Variants in PHACTR3 observed in about 807,000 individuals in gnomAD.
PHACTR3 encodes the protein phosphatase and actin regulator 3, also known as protein phosphatase 1, regulatory subunit 123.
Under a neutral mutation model 66.8 loss-of-function variants are expected in PHACTR3, and 16 were observed. The ratio of observed to expected loss-of-function variants is 0.24; its 90% CI spans 0.16 to 0.36. The LOEUF (loss-of-function observed/expected upper bound fraction) is 0.36, where lower values mean the gene tolerates loss of function less well. Ranked by LOEUF, PHACTR3 falls within the 10% of genes least tolerant of loss-of-function variation. PHACTR3 has a pLI of 1.00. For synonymous variants in PHACTR3, 323 were observed against 292.1 expected, an observed-to-expected ratio of 1.11 and a Z score of -1.08; for missense variants, 647 against 719.9, an observed-to-expected ratio of 0.90 and a Z score of 1.16.
Position 59,605,142 on chromosome 20 carries a change from TGGGCGG to T in PHACTR3, c.118+17_118+22del. On this transcript the variant is annotated intron_variant, in intron 1 of 12. Transcript: ENST00000371015. ...GCCGGGGAGAACCCAGGTAACGGGC[TGGGCGG>T]GGGCGGCGGGCGGGTCGGGGAGGCC... 1 of 294,968 alleles carries T rather than the reference TGGGCGG, an allele frequency of 3.4e-6. No homozygotes were observed. The highest frequency in any genetic ancestry group is 4.7e-5 in the South Asian group (1 of 21,060). 18.3% of individuals were successfully genotyped at this position (294,968 alleles called of 1,614,324 possible). A position where few individuals can be genotyped will look rare whatever the true frequency, so the allele number is the denominator to read the frequency against.
chr20:59,667,792 C>T (rs941983662), intron 1 of PHACTR3, among the ~76,000 whole-genome samples: 2 of 152,160 alleles, frequency 1.3e-5, no homozygotes, highest in Admixed American at 6.5e-5. Flanking sequence ...CTGTGGATGG[C>T]CTTTCTGTCT....
intron 1 of PHACTR3, among the ~76,000 whole-genome samples, chr20:59,608,023 G>A (rs2033722983): frequency 6.6e-6 from 1 of 152,138 alleles, no homozygotes. Flanking sequence ...TAATGATATT[G>A]CACTCTCCTA....
At chr20:59,581,074 A>G (rs892115072) in intron 1 of PHACTR3, among the ~76,000 whole-genome samples, 2 of 152,250 alleles carry the variant, frequency 1.3e-5, no homozygotes, top group African/African-American at 4.8e-5. Flanking sequence ...CGCCATAGCC[A>G]GCCTGAGACT....
intron 1 of PHACTR3, among the ~76,000 whole-genome samples, chr20:59,637,570 C>A (rs1254665871): frequency 6.6e-6 from 1 of 152,066 alleles, no homozygotes; most frequent in Non-Finnish European, 1.5e-5. Context: ...TGCATTTCTC[C>A]TGGGAATTCA....
chr20:59,745,778 C>G lies in PHACTR3; in HGVS notation c.281-1980C>G, dbSNP rs775665443. On this transcript the variant is annotated intron_variant, in intron 2 of 12. Transcript: ENST00000371015. ...GCCTGCCCTGGCAGGTGGCTCAGAT[C>G]CACTCAGCCATTTACACACTGTACC... 2.8e-4 allele frequency among the ~76,000 whole-genome samples: 42 copies of G among 152,332 alleles called. 1 individual carries two copies. The highest frequency in any genetic ancestry group is 6.8e-3 in the Middle Eastern group (2 of 294).
At chr20:59,740,862 C>T (rs1176842900) in intron 1 of PHACTR3, among the ~76,000 whole-genome samples, 2 of 152,228 alleles carry the variant, frequency 1.3e-5, no homozygotes, top group African/African-American at 2.4e-5. Flanking sequence ...CGGGTGCTGC[C>T]TCATATGGCT....
At chr20:59,615,994 G>T (rs1054732320) in intron 1 of PHACTR3, among the ~76,000 whole-genome samples, 2 of 152,162 alleles carry the variant, frequency 1.3e-5, no homozygotes, top group African/African-American at 4.8e-5. Flanking sequence ...CTGATAAGGT[G>T]ATGCCTTGAC....
At chr20:59,642,254 C>T (rs929255995) in intron 1 of PHACTR3, among the ~76,000 whole-genome samples, 11 of 151,878 alleles carry the variant, frequency 7.2e-5, no homozygotes, top group African/African-American at 1.7e-4. Context: ...TTGCAGGGTT[C>T]GGTGGATAAT....
chr20:59,719,218 T>C (rs1452420759), intron 1 of PHACTR3, among the ~76,000 whole-genome samples: 1 of 152,034 alleles, frequency 6.6e-6, no homozygotes, highest in Non-Finnish European at 1.5e-5. Context: ...CAGACTGGAG[T>C]GCAGTGGTGC....
At chr20:59,592,010 A>G (rs1014490316) in intron 1 of PHACTR3, among the ~76,000 whole-genome samples, 6 of 152,218 alleles carry the variant, frequency 3.9e-5, no homozygotes, top group South Asian at 2.1e-4. Context: ...GAAAGTCTAC[A>G]TAAAACTTTT....
chr20:59,665,874 G>A (rs1009288330), intron 1 of PHACTR3, among the ~76,000 whole-genome samples: 31 of 152,204 alleles, frequency 2.0e-4, no homozygotes, highest in Non-Finnish European at 2.6e-4. Flanking sequence ...TGGGGTTGGC[G>A]TTGAGGACAT....
At chr20:59,827,961 C>G (rs1321220700) in intron 8 of PHACTR3, among the ~76,000 whole-genome samples, 2 of 152,178 alleles carry the variant, frequency 1.3e-5, no homozygotes, top group African/African-American at 4.8e-5. Flanking sequence ...ATTGTCACAG[C>G]AACTGGAGCT....
intron 1 of PHACTR3, among the ~76,000 whole-genome samples, chr20:59,737,362 TG>T (rs1385101161): frequency 6.6e-6 from 1 of 152,170 alleles, no homozygotes; most frequent in East Asian, 1.9e-4. Flanking sequence ...GAGCTGTTGC[TG>T]GCACTGGAGA....
At chr20:59,791,021 C>T (rs1182522) in intron 7 of PHACTR3, among the ~76,000 whole-genome samples, 111,336 of 152,070 alleles carry the variant, frequency 0.73, 45,956 homozygotes, top group Non-Finnish European at 0.93. Flanking sequence ...ATTAATTCAC[C>T]AGGGAGGTGA....
rs576662200 is a variant in PHACTR3, at chr20:59,756,194, C to T, written c.541+830C>T. ...TGCAGATGCTTCACCAGCTCCTCCT[C>T]CTCCTGCCCACCTGGCAGAGTGATT... is the stretch of plus-strand genomic sequence containing the variant. On this transcript the variant is annotated intron_variant, in intron 4 of 12. Coordinates refer to ENST00000371015, the MANE Select transcript of PHACTR3 (RefSeq NM_080672.5). Among the ~76,000 whole-genome samples, 17 of 152,318 alleles carry T rather than the reference C, an allele frequency of 1.1e-4. No homozygotes were observed. The South Asian group carries it at 3.3e-3, about 30-fold the overall frequency.
At chr20:59,682,910 A>G (rs1221383435) in intron 1 of PHACTR3, among the ~76,000 whole-genome samples, 3 of 152,134 alleles carry the variant, frequency 2.0e-5, no homozygotes, top group Admixed American at 1.3e-4. Context: ...TTTTGCTCTG[A>G]GTGTGACGGG....
At chr20:59,809,915 G>T (rs1442044386) in intron 8 of PHACTR3, among the ~76,000 whole-genome samples, 1 of 152,130 alleles carries the variant, frequency 6.6e-6, no homozygotes, top group African/African-American at 2.4e-5. Context: ...GTGCTTTATG[G>T]TTCGCACTAT....
chr20:59,712,826 T>A (rs2037955914), intron 1 of PHACTR3, among the ~76,000 whole-genome samples: 1 of 152,240 alleles, frequency 6.6e-6, no homozygotes, highest in Admixed American at 6.5e-5. Context: ...TTAATTCAAC[T>A]TTCAGTGTTG....
intron 1 of PHACTR3, among the ~76,000 whole-genome samples, chr20:59,581,559 TG>T (rs1214263488): frequency 6.6e-6 from 1 of 152,190 alleles, no homozygotes; most frequent in African/African-American, 2.4e-5. Flanking sequence ...CGTTTTTGTT[TG>T]AAGGGAAAGG....
Sources: gnomAD v4.1 joint callset for allele counts (sites outside exome capture counted in the v4.1 genomes callset) on GRCh38, gnomAD v4.1.1 for gene constraint, MANE v1.5 for transcripts, NCBI Gene and HGNC (gene_info 2026-07-23, HGNC 2026-07-21) for gene names.